SSPN: variants seen among roughly 807,000 people sequenced by gnomAD.
SSPN encodes the protein sarcospan, also known as K-ras oncogene-associated protein.
Under a neutral mutation model 19.1 loss-of-function variants are expected in SSPN, and 15 were observed. That is an observed-to-expected ratio of 0.78 (90% CI 0.52 to 1.21). The LOEUF is 1.21. Ranked by LOEUF, SSPN falls within the 50% of genes most tolerant of loss-of-function variation. The pLI is 0.00. For missense variants in SSPN, 291 were observed against 314.0 expected, an observed-to-expected ratio of 0.93 and a Z score of 0.55; for synonymous variants, 147 against 140.3, an observed-to-expected ratio of 1.05 and a Z score of -0.34.
chr12:26,161,713 A>G lies in SSPN; in HGVS notation c.-31+39561A>G, dbSNP rs530037396. Among the ~76,000 whole-genome samples the G allele has an allele frequency of 5.9e-5, 9 of 152,190 alleles. No individual in the cohort carries two copies. The East Asian group carries it at 1.5e-3, about 26-fold the overall frequency. On this transcript the variant is annotated intron_variant, in intron 1 of 2. Transcript: ENST00000538142. Reference sequence around the variant, plus strand: ...CCAGGGACCAGTTTCATGGAAGACAATTTTTCCAAAGACATGGTGTGGGGG... The same window carrying G: ...CCAGGGACCAGTTTCATGGAAGACAGTTTTTCCAAAGACATGGTGTGGGGG...
At chr12:26,206,070 C>G (rs957641834) in intron 1 of SSPN, among the ~76,000 whole-genome samples, 3 of 152,182 alleles carry the variant, frequency 2.0e-5, no homozygotes, top group African/African-American at 7.2e-5. Flanking sequence ...GTCACCAAAT[C>G]GTGTGCGTCA....
chr12:26,231,196 G>A lies in SSPN; in HGVS notation c.*120G>A. On this transcript the variant is annotated 3_prime_UTR_variant, in exon 3 of 3. Coordinates refer to ENST00000242729, the MANE Select transcript of SSPN (RefSeq NM_005086.5). ...GACAATAAAAGTCACTCTTCTAATTGAATATTTTTATATTTTTATGAAACA... is the reference window on the plus strand; with the variant it reads ...GACAATAAAAGTCACTCTTCTAATTAAATATTTTTATATTTTTATGAAACA... 3 of 1,286,256 alleles carry A rather than the reference G, an allele frequency of 2.3e-6. No individual in the cohort carries two copies. The highest frequency in any genetic ancestry group is 3.1e-6 in the Non-Finnish European group (3 of 980,062). The allele number at this position is 1,286,256 out of a possible 1,614,324, so 79.7% of individuals were successfully genotyped here.
intron 1 of SSPN, chr12:26,125,097 A>G: frequency 2.3e-6 from 1 of 432,940 alleles, no homozygotes; most frequent in Non-Finnish European, 4.3e-6. Flanking sequence ...GGAACGTACC[A>G]TCCGCGGTCC....
chr12:26,233,355 T>TATATATATATATATATATATAC lies in SSPN; in HGVS notation c.*2280_*2281insTATATATATATATATATATACA, dbSNP rs766583720. On this transcript the variant is annotated 3_prime_UTR_variant, in exon 3 of 3. Transcript: ENST00000242729. This position sits in a 1 kb window ranked among gnomAD's most constrained non-coding sequence, Gnocchi z 4.3. Reference sequence around the variant, plus strand: ...AGATATATATATATATATATACACATACACACACACACACACATATATACT... The same window carrying TATATATATATATATATATATAC: ...AGATATATATATATATATATACACATATATATATATATATATATATACACACACACACACACACATATATACT... The TATATATATATATATATATATAC allele has an allele frequency of 1.4e-3, 201 of 146,514 alleles. 1 individual carries two copies. Among genetic ancestry groups the TATATATATATATATATATATAC allele is most frequent in the African/African-American group, 4.9e-3 (186 of 37,888 alleles). 9.1% of individuals were successfully genotyped at this position (146,514 alleles called of 1,614,324 possible).
chr12:26,193,920 G>T (rs1164037588), upstream of SSPN, among the ~76,000 whole-genome samples: 1 of 152,182 alleles, frequency 6.6e-6, no homozygotes, highest in Non-Finnish European at 1.5e-5. Context: ...TGTCTTCAAA[G>T]TTACTTTTGT....
intron 1 of SSPN, among the ~76,000 whole-genome samples, chr12:26,219,527 T>C (rs922956934): frequency 6.6e-6 from 1 of 152,218 alleles, no homozygotes; most frequent in African/African-American, 2.4e-5. Flanking sequence ...CCTGTCTAAC[T>C]TTCTAGCTCA....
chr12:26,213,937 G>A (rs1591886865), intron 1 of SSPN, among the ~76,000 whole-genome samples: 1 of 152,142 alleles, frequency 6.6e-6, no homozygotes, highest in Middle Eastern at 3.4e-3. Flanking sequence ...GTATCTCCAA[G>A]CCTCAAAGAG....
intron 1 of SSPN, chr12:26,135,071 C>G (rs539256096): frequency 6.6e-6 from 1 of 152,204 alleles, no homozygotes; most frequent in Non-Finnish European, 1.5e-5. Flanking sequence ...TACTTCCTTT[C>G]GCAGTGTGCA....
intron 1 of SSPN, among the ~76,000 whole-genome samples, chr12:26,163,032 C>CGTGTGTGTGT (rs138827156): frequency 0.058 from 8,497 of 145,974 alleles, 301 homozygotes; most frequent in Middle Eastern, 0.1. Context: ...TGCTTCAAGA[C>CGTGTGTGTGT]GTGTGTGTGT....
At chr12:26,171,442 C>G (rs77415776) in intron 1 of SSPN, among the ~76,000 whole-genome samples, 1,982 of 152,312 alleles carry the variant, frequency 0.013, 38 homozygotes, top group African/African-American at 0.044. Context: ...AAAGGCAAAA[C>G]TGTATTCTTA....
chr12:26,193,408 G>T (rs1221984126), upstream of SSPN, among the ~76,000 whole-genome samples: 1 of 152,092 alleles, frequency 6.6e-6, no homozygotes, highest in Non-Finnish European at 1.5e-5. Context: ...TTATAAGGTG[G>T]TTATAAGGGG....
rs964286570 is a variant in SSPN, at chr12:26,234,439, G to A, written c.*3363G>A. The A allele has an allele frequency of 6.6e-6, 1 of 152,152 alleles. No individual in the cohort carries two copies. The highest frequency in any genetic ancestry group is 1.5e-5 in the Non-Finnish European group (1 of 68,028). The allele number at this position is 152,152 out of a possible 1,614,324, so 9.4% of individuals were successfully genotyped here. A position where few individuals can be genotyped will look rare whatever the true frequency, so the allele number is the denominator to read the frequency against. ...AGAGCACTCTATCATGTTTTTAGGT[G>A]TATATTGTGTATTCAGGATAGCATT... On this transcript the variant is annotated 3_prime_UTR_variant, in exon 3 of 3. Transcript: ENST00000242729.
At chr12:26,202,254 A>G (rs1334380490) in intron 1 of SSPN, among the ~76,000 whole-genome samples, 1 of 152,158 alleles carries the variant, frequency 6.6e-6, no homozygotes. Flanking sequence ...ATATTCATGG[A>G]TATGGAACCC....
intron 1 of SSPN, among the ~76,000 whole-genome samples, chr12:26,158,636 T>A (rs1291391157): frequency 2.0e-5 from 3 of 152,208 alleles, no homozygotes; most frequent in African/African-American, 4.8e-5. Context: ...GGCAGATGAG[T>A]CCTGGCTGGG....
Position 26,195,641 on chromosome 12 carries a change from G to GCGGGGGCCCCCCC in SSPN, c.-31_-30insGGGGGCCCCCCCC. 13 of 1,105,392 alleles carry GCGGGGGCCCCCCC rather than the reference G, an allele frequency of 1.2e-5. No homozygotes were observed. Among genetic ancestry groups the GCGGGGGCCCCCCC allele is most frequent in the Non-Finnish European group, 1.5e-5 (13 of 878,112 alleles). The allele number at this position is 1,105,392 out of a possible 1,614,324, so 68.5% of individuals were successfully genotyped here. ...CTCCAGGGCCCAGGGCGCCGCACAC[G>GCGGGGGCCCCCCC]CACCCACCCACCCACCCAGCCTCGC... On this transcript the variant is annotated 5_prime_UTR_variant, in exon 1 of 3. Coordinates refer to ENST00000242729, the MANE Select transcript of SSPN (RefSeq NM_005086.5).
chr12:26,134,223 TCACTCA>T (rs772016161), intron 1 of SSPN, among the ~76,000 whole-genome samples: 22 of 152,318 alleles, frequency 1.4e-4, no homozygotes, highest in Admixed American at 3.9e-4. Flanking sequence ...CTCAGGTCCT[TCACTCA>T]CACTGTTTTG....
At chr12:26,182,805 C>G (rs1291065057) in intron 1 of SSPN, among the ~76,000 whole-genome samples, 1 of 149,832 alleles carries the variant, frequency 6.7e-6, no homozygotes, top group Non-Finnish European at 1.5e-5. Flanking sequence ...CTCAGTCACC[C>G]AGGCTGAAGT....
At chr12:26,165,234 G>C (rs900170256) in intron 1 of SSPN, among the ~76,000 whole-genome samples, 1 of 152,114 alleles carries the variant, frequency 6.6e-6, no homozygotes, top group Admixed American at 6.5e-5. Context: ...TGCAAGGCTC[G>C]GGTCTCAAAT....
chr12:26,218,766 A>G (rs1286763948), intron 1 of SSPN, among the ~76,000 whole-genome samples: 1 of 152,246 alleles, frequency 6.6e-6, no homozygotes, highest in African/African-American at 2.4e-5. Flanking sequence ...TTTCTGGTCT[A>G]TTATGTGTTA....
Sources: allele counts gnomAD v4.1 joint callset (sites outside exome capture counted in the v4.1 genomes callset), GRCh38; gene constraint gnomAD v4.1.1; non-coding constraint Gnocchi (gnomAD v3.1); transcripts MANE v1.5; gene names NCBI Gene and HGNC (gene_info 2026-07-23, HGNC 2026-07-21).